The following PLA2G4A variants were observed in gnomAD, a reference collection of about 807,000 sequenced individuals.
The protein encoded by PLA2G4A is phospholipase A2 group IVA.
Under a neutral mutation model 81.9 loss-of-function variants are expected in PLA2G4A, and 40 were observed. The ratio of observed to expected loss-of-function variants is 0.49; its 90% confidence interval spans 0.38 to 0.64. The LOEUF is 0.64. PLA2G4A is among the 30% of genes least tolerant of loss of function. PLA2G4A has a pLI of 0.00. For synonymous variants in PLA2G4A, 302 were observed against 296.9 expected, an observed-to-expected ratio of 1.02 and a Z score of -0.18; for missense variants, 715 against 905.1, an observed-to-expected ratio of 0.79 and a Z score of 2.69.
chr1:186,845,622 C>T (rs1652144301), intron 1 of PLA2G4A, among the ~76,000 whole-genome samples: 1 of 151,926 alleles, frequency 6.6e-6, no homozygotes, highest in Non-Finnish European at 1.5e-5. Context: ...CATTCCTATC[C>T]CTCTTCCCGC....
intron 13 of PLA2G4A, among the ~76,000 whole-genome samples, chr1:186,952,469 C>T (rs1448339322): frequency 6.6e-6 from 1 of 152,018 alleles, no homozygotes; most frequent in Non-Finnish European, 1.5e-5. Flanking sequence ...CCCATATGTC[C>T]CCTGTCCACC....
Position 186,901,362 on chromosome 1 carries a change from T to C in PLA2G4A, c.379-5603T>C, listed in dbSNP as rs78920585. ...ATTTTAGGGTGTTTCAGAATGCTCT[T>C]GCATTCTTGGGATTCCTCTGTTGGA... On this transcript the variant is annotated intron_variant, in intron 5 of 17. Transcript: ENST00000367466. 4.0e-4 allele frequency among the ~76,000 whole-genome samples: 61 copies of C among 152,314 alleles called. No individual in the cohort carries two copies. The East Asian group carries it at 0.012, about 29-fold the overall frequency.
chr1:186,893,281 T>A, intron 4 of PLA2G4A, 122 bp downstream of exon 4: 2 of 837,150 alleles, frequency 2.4e-6, no homozygotes, highest in South Asian at 2.7e-5. Flanking sequence ...CTGGGCAGCT[T>A]GGTAGACTAG....
chr1:186,890,626 C>A (rs149389317), intron 3 of PLA2G4A, among the ~76,000 whole-genome samples: 1 of 152,032 alleles, frequency 6.6e-6, no homozygotes, highest in African/African-American at 2.4e-5. Flanking sequence ...GAGTCTGAGG[C>A]GGGCAGATCA....
chr1:186,853,136 C>A (rs933725806), intron 1 of PLA2G4A, among the ~76,000 whole-genome samples: 2 of 151,536 alleles, frequency 1.3e-5, no homozygotes, highest in African/African-American at 4.8e-5. Flanking sequence ...TTTTATAATT[C>A]TTAAATAGAG....
Position 186,956,287 on chromosome 1 carries a change from A to C in PLA2G4A, c.1522A>C (p.Ser508Arg). ...LNTSYPLSPL[S>R]DFATQDSFDD... ...TACATCTTATCCACTGTCTCCTTTG[A>C]GTGACTTTGCCACACAGGACTCCTT... The change falls in exon 14 of 18, where the codon AGT (serine) becomes CGT (arginine). Residue 508 changes from serine to arginine, a missense_variant. By Grantham distance (110) the Ser-to-Arg change is moderately radical. Coordinates refer to ENST00000367466, the MANE Select transcript of PLA2G4A (RefSeq NM_024420.3). The C allele has an allele frequency of 6.2e-7, 1 of 1,613,542 alleles. No individual in the cohort carries two copies. Among genetic ancestry groups the C allele is most frequent in the Non-Finnish European group, 8.5e-7 (1 of 1,179,506 alleles).
chr1:186,933,496 A>C (rs1253768928), intron 8 of PLA2G4A, among the ~76,000 whole-genome samples: 1 of 152,176 alleles, frequency 6.6e-6, no homozygotes, highest in African/African-American at 2.4e-5. Context: ...TTTCACAAAT[A>C]TATTTATAAA....
At chr1:186,908,406 A>T (rs187991409) in intron 6 of PLA2G4A, among the ~76,000 whole-genome samples, 27 of 152,042 alleles carry the variant, frequency 1.8e-4, no homozygotes, top group Non-Finnish European at 3.2e-4. Flanking sequence ...GAATAATAAG[A>T]CCTAGATTTA....
intron 2 of PLA2G4A, among the ~76,000 whole-genome samples, chr1:186,867,600 A>G (rs934661567): frequency 2.6e-5 from 4 of 151,836 alleles, no homozygotes; most frequent in Admixed American, 6.6e-5. Context: ...TTTTTTTTTA[A>G]TTGATTATAT....
intron 2 of PLA2G4A, among the ~76,000 whole-genome samples, chr1:186,857,835 G>A (rs894106720): frequency 6.6e-6 from 1 of 151,982 alleles, no homozygotes; most frequent in Non-Finnish European, 1.5e-5. Context: ...TCCCACCTAT[G>A]AGTGAGAACA....
chr1:186,922,493 C>T (rs189404924), intron 7 of PLA2G4A, among the ~76,000 whole-genome samples: 268 of 152,242 alleles, frequency 1.8e-3, no homozygotes, highest in Non-Finnish European at 6.2e-4. Context: ...GCCTGCCACG[C>T]GCTGCTCTGG....
intron 7 of PLA2G4A, among the ~76,000 whole-genome samples, chr1:186,916,593 T>A (rs1204443230): frequency 6.6e-6 from 1 of 152,184 alleles, no homozygotes; most frequent in Non-Finnish European, 1.5e-5. Flanking sequence ...ACTTTACTTG[T>A]ATCATTTATG....
chr1:186,856,287 T>TTG lies in PLA2G4A; in HGVS notation c.33+1906_33+1907dup, dbSNP rs1652549681. ...GTATTATAGTTTTCTTTAAGAAATC[T>TTG]TGTGTGTATATATATATATACATAT... On this transcript the variant is annotated intron_variant, in intron 2 of 17. Coordinates refer to ENST00000367466, the MANE Select transcript of PLA2G4A (RefSeq NM_024420.3). Among the ~76,000 whole-genome samples, 3 of 47,270 alleles carry TTG rather than the reference T, an allele frequency of 6.3e-5. No individual in the cohort carries two copies. In the Admixed American group the frequency reaches 7.3e-4, roughly 11 times the overall value. 31.0% of individuals were successfully genotyped at this position (47,270 alleles called of 152,430 possible). A position where few individuals can be genotyped will look rare whatever the true frequency, so the allele number is the denominator to read the frequency against.
chr1:186,974,512 G>T (rs1657465361), intron 15 of PLA2G4A, among the ~76,000 whole-genome samples: 1 of 152,106 alleles, frequency 6.6e-6, no homozygotes, highest in South Asian at 2.1e-4. Flanking sequence ...ACCAAAATGA[G>T]CACAGACATC....
intron 5 of PLA2G4A, among the ~76,000 whole-genome samples, chr1:186,903,504 C>T (rs932047575): frequency 2.0e-5 from 3 of 152,144 alleles, no homozygotes; most frequent in Admixed American, 6.6e-5. Context: ...GAGAGTTGGA[C>T]GAAGGAGCAA....
intron 13 of PLA2G4A, 99 bp downstream of exon 13, chr1:186,950,827 T>C (rs1265402119): frequency 2.3e-5 from 17 of 740,970 alleles, no homozygotes; most frequent in Non-Finnish European, 4.0e-5. Flanking sequence ...TAATCTTCAC[T>C]TCAGACACGG....
intron 3 of PLA2G4A, among the ~76,000 whole-genome samples, chr1:186,889,084 C>T (rs933236293): frequency 6.6e-6 from 1 of 152,160 alleles, no homozygotes; most frequent in African/African-American, 2.4e-5. Context: ...GCAGTCACCT[C>T]CTGGTTGAAA....
intron 17 of PLA2G4A, among the ~76,000 whole-genome samples, chr1:186,981,305 C>T (rs1657710585): frequency 1.3e-5 from 2 of 152,122 alleles, no homozygotes; most frequent in South Asian, 2.1e-4. Flanking sequence ...TAACCAAATA[C>T]ATTTGTCTTG....
chr1:186,939,315 A>G (rs1420414613), intron 9 of PLA2G4A, 85 bp downstream of exon 9: 1 of 598,754 alleles, frequency 1.7e-6, no homozygotes, highest in Non-Finnish European at 2.8e-6. Flanking sequence ...AAGAAAATGT[A>G]ATACATTTTA....
Sources: gnomAD v4.1 joint callset for allele counts (sites outside exome capture counted in the v4.1 genomes callset) on GRCh38, gnomAD v4.1.1 for gene constraint, MANE v1.5 for transcripts, NCBI Gene and HGNC (gene_info 2026-07-23, HGNC 2026-07-21) for gene names.